The following NHSL2 variants were observed in gnomAD, a reference collection of about 807,000 sequenced individuals.
NHSL2 encodes the protein NHS like 2.
NHSL2 carries 27 observed loss-of-function variants against 53.4 expected under a neutral mutation model. That is an observed-to-expected ratio of 0.51 (90% CI 0.37 to 0.70). The LOEUF (loss-of-function observed/expected upper bound fraction) is 0.70. Among genes scored for constraint, NHSL2 ranks in the 30% least tolerant of loss-of-function variants. The pLI, the probability that NHSL2 is intolerant of heterozygous loss-of-function variation, is 0.00. For synonymous variants in NHSL2, 408 were observed against 404.1 expected (o/e 1.01, Z -0.12); for missense variants, 892 against 980.1 (o/e 0.91, Z 1.20).
At chrX:72,060,630 C>T (rs1290398597) in intron 1 of NHSL2, among the ~76,000 whole-genome samples, 1 of 112,269 alleles carries the variant, frequency 8.9e-6, no homozygotes, top group Non-Finnish European at 1.9e-5. Flanking sequence ...ACACAGCCTT[C>T]GGACCCCTGG....
intron 1 of NHSL2, among the ~76,000 whole-genome samples, chrX:72,027,211 T>C (rs1215959169): frequency 1.8e-5 from 2 of 112,218 alleles, no homozygotes; most frequent in African/African-American, 6.5e-5. Flanking sequence ...TCTCATGATA[T>C]CCAGCAGAGA....
chrX:72,115,972 G>C (rs1180684118), intron 1 of NHSL2, among the ~76,000 whole-genome samples: 1 of 111,090 alleles, frequency 9.0e-6, no homozygotes, highest in Non-Finnish European at 1.9e-5. Flanking sequence ...CCAGCAATTC[G>C]TGTTTTATCA....
At chrX:72,044,631 C>G in intron 1 of NHSL2, 2 of 1,150,356 alleles carry the variant, frequency 1.7e-6, no homozygotes, top group South Asian at 1.8e-5. Context: ...GTGTCCGATG[C>G]GTGCCCACAG....
chrX:71,916,505 A>C (rs2041628743), intron 1 of NHSL2, among the ~76,000 whole-genome samples: 1 of 111,583 alleles, frequency 9.0e-6, no homozygotes, highest in Non-Finnish European at 1.9e-5. Context: ...TGGGTGCTAA[A>C]GACCCAGAGG....
At chrX:72,135,336 C>G (rs1382656572) in intron 4 of NHSL2, among the ~76,000 whole-genome samples, 1 of 111,923 alleles carries the variant, frequency 8.9e-6, no homozygotes, top group Non-Finnish European at 1.9e-5. Flanking sequence ...TGTAGCCCAG[C>G]TGGCTGTGGC....
chrX:71,981,129 T>G (rs1317215070), intron 1 of NHSL2, among the ~76,000 whole-genome samples: 1 of 112,366 alleles, frequency 8.9e-6, no homozygotes, highest in African/African-American at 3.2e-5. Context: ...TTCTTAGATA[T>G]AACACCAAAG....
intron 1 of NHSL2, among the ~76,000 whole-genome samples, chrX:71,928,688 C>T (rs1023120979): frequency 3.6e-5 from 4 of 111,436 alleles, no homozygotes; most frequent in Admixed American, 2.8e-4. Flanking sequence ...CCTGGTACTA[C>T]TGGGCCTCTT....
chrX:72,057,626 C>T (rs999503721), intron 1 of NHSL2, among the ~76,000 whole-genome samples: 1 of 111,992 alleles, frequency 8.9e-6, no homozygotes, highest in African/African-American at 3.3e-5. Context: ...GGGACCTGGG[C>T]AAGAATTTCT....
At chrX:72,105,482 C>T (rs1302192939) in intron 1 of NHSL2, among the ~76,000 whole-genome samples, 1 of 111,864 alleles carries the variant, frequency 8.9e-6, no homozygotes, top group Non-Finnish European at 1.9e-5. Flanking sequence ...TTCCCCCAAC[C>T]TCTCTCACTT....
intron 1 of NHSL2, among the ~76,000 whole-genome samples, chrX:71,983,143 T>G (rs2041987233): frequency 1.8e-5 from 2 of 111,507 alleles, no homozygotes; most frequent in African/African-American, 3.3e-5. Context: ...CTGTGTTGAT[T>G]GTTGTTGTGG....
intron 1 of NHSL2, among the ~76,000 whole-genome samples, chrX:71,972,358 A>G (rs921406268): frequency 2.0e-4 from 22 of 112,456 alleles, no homozygotes; most frequent in African/African-American, 7.1e-4. Context: ...TTTTTAAATG[A>G]TAGTTATGCT....
intron 1 of NHSL2, among the ~76,000 whole-genome samples, chrX:72,057,297 C>T (rs1295384631): frequency 8.9e-6 from 1 of 112,136 alleles, no homozygotes; most frequent in Admixed American, 9.4e-5. Flanking sequence ...ATCTCCACTC[C>T]CAGTTCCTCT....
chrX:72,100,019 A>G (rs1315574345), intron 1 of NHSL2, among the ~76,000 whole-genome samples: 1 of 111,499 alleles, frequency 9.0e-6, no homozygotes, highest in Non-Finnish European at 1.9e-5. Context: ...GGAATGGATT[A>G]GAAGGTCAGA....
intron 1 of NHSL2, among the ~76,000 whole-genome samples, chrX:71,983,716 G>A (rs189353476): frequency 8.9e-6 from 1 of 112,202 alleles, no homozygotes; most frequent in African/African-American, 3.2e-5. Flanking sequence ...TTGATGATAA[G>A]CTTAACAAGG....
At chrX:71,995,852 G>A (rs2042047912) in intron 1 of NHSL2, among the ~76,000 whole-genome samples, 1 of 112,231 alleles carries the variant, frequency 8.9e-6, no homozygotes, top group Non-Finnish European at 1.9e-5. Context: ...TTTCCCCTGT[G>A]GTATTCCTAG....
intron 1 of NHSL2, among the ~76,000 whole-genome samples, chrX:72,103,030 T>G (rs1219232966): frequency 8.9e-6 from 1 of 112,065 alleles, no homozygotes; most frequent in Non-Finnish European, 1.9e-5. Context: ...GGACAAACAT[T>G]CCTTCCCGGG....
At position 71,991,718 on chromosome X, in the gene NHSL2, C is replaced by G. The variant is rs193215168; in HGVS notation, c.280+80351C>G. Among the ~76,000 whole-genome samples the G allele has an allele frequency of 4.8e-4, 54 of 112,610 alleles. 1 individual carries two copies. The highest frequency in any genetic ancestry group is 1.6e-3 in the African/African-American group (51 of 30,970). ...AAAGTGTGAATTTAGCCCAAGTTGC[C>G]TAGCCCAGTCCTTTCCAGAACAAAG... On this transcript the variant is annotated intron_variant, in intron 1 of 7. Coordinates refer to ENST00000633930, the MANE Select transcript of NHSL2 (RefSeq NM_001013627.3).
intron 1 of NHSL2, among the ~76,000 whole-genome samples, chrX:71,978,537 T>C (rs1211681144): frequency 8.9e-6 from 1 of 112,144 alleles, no homozygotes; most frequent in Non-Finnish European, 1.9e-5. Context: ...CCAGACACAC[T>C]TTATTCAGTC....
intron 1 of NHSL2, among the ~76,000 whole-genome samples, chrX:72,087,026 G>T (rs948420074): frequency 8.9e-6 from 1 of 111,902 alleles, no homozygotes; most frequent in Non-Finnish European, 1.9e-5. Context: ...AAGGAAGGCT[G>T]GGCTGGGGGT....
Sources: allele counts gnomAD v4.1 joint callset (sites outside exome capture counted in the v4.1 genomes callset), GRCh38; gene constraint gnomAD v4.1.1; transcripts MANE v1.5; gene names NCBI Gene and HGNC (gene_info 2026-07-23, HGNC 2026-07-21).